The following FHIT variants were observed in gnomAD, a reference collection of about 807,000 sequenced individuals.
FHIT encodes bis(5'-adenosyl)-triphosphatase.
FHIT carries 19 observed loss-of-function variants against 17.9 expected under a neutral mutation model. The observed-to-expected ratio is 1.06, with a 90% confidence interval of 0.74 to 1.56. FHIT has a LOEUF of 1.56. FHIT is among the 40% of genes most tolerant of loss of function. The pLI, the probability that FHIT is intolerant of heterozygous loss-of-function variation, is 0.00. For synonymous variants in FHIT, 81 were observed against 69.7 expected (o/e 1.16, Z -0.81); for missense variants, 248 against 189.2 (o/e 1.31, Z -1.82).
At chr3:61,205,231 T>C (rs1692733147) in intron 1 of FHIT, among the ~76,000 whole-genome samples, 1 of 152,096 alleles carries the variant, frequency 6.6e-6, no homozygotes, top group Middle Eastern at 3.2e-3. Context: ...TTGTTGGACA[T>C]TTGGGTCGGT....
chr3:60,459,957 C>T (rs1179755901), intron 5 of FHIT, among the ~76,000 whole-genome samples: 3 of 152,246 alleles, frequency 2.0e-5, no homozygotes, highest in Admixed American at 6.5e-5. Context: ...TGTATATGCC[C>T]ACCAGACAAG....
At chr3:60,055,626 GGCAACCA>G (rs1702051762) in intron 5 of FHIT, among the ~76,000 whole-genome samples, 1 of 152,058 alleles carries the variant, frequency 6.6e-6, no homozygotes, top group Non-Finnish European at 1.5e-5. Context: ...CTGGCCACGT[GGCAACCA>G]GTGTACAAGG....
intron 3 of FHIT, among the ~76,000 whole-genome samples, chr3:60,990,716 T>A (rs1460480262): frequency 6.6e-6 from 1 of 152,244 alleles, no homozygotes; most frequent in African/African-American, 2.4e-5. Context: ...ATTGCGAGCA[T>A]CTTCCACACA....
chr3:59,849,899 G>A (rs989136216), intron 8 of FHIT, among the ~76,000 whole-genome samples: 5 of 152,162 alleles, frequency 3.3e-5, no homozygotes, highest in African/African-American at 1.2e-4. Flanking sequence ...ATGTTCAGCT[G>A]CAGAAGCTAT....
intron 3 of FHIT, among the ~76,000 whole-genome samples, chr3:60,968,122 G>C (rs540118716): frequency 1.3e-5 from 2 of 152,348 alleles, no homozygotes; most frequent in South Asian, 4.1e-4. Flanking sequence ...GGCAGCCCGA[G>C]TTGAGAGCAG....
intron 3 of FHIT, among the ~76,000 whole-genome samples, chr3:60,860,263 G>GTATACATGAGATACATCATATC (rs1703623253): frequency 2.1e-5 from 3 of 144,044 alleles, no homozygotes; most frequent in African/African-American, 7.7e-5. Context: ...TACATCATAT[G>GTATACATGAGATACATCATATC]TATACATGAG....
intron 8 of FHIT, among the ~76,000 whole-genome samples, chr3:59,753,160 G>A (rs1357271806): frequency 6.6e-6 from 1 of 152,104 alleles, no homozygotes; most frequent in Non-Finnish European, 1.5e-5. Flanking sequence ...TGAGCTCTGA[G>A]CAGTTTTGTT....
intron 5 of FHIT, among the ~76,000 whole-genome samples, chr3:60,122,365 T>G (rs896609678): frequency 3.3e-5 from 5 of 152,134 alleles, no homozygotes; most frequent in Admixed American, 6.5e-5. Flanking sequence ...ATCCCGGCCC[T>G]CAGGGAACAT....
chr3:61,029,134 G>T (rs566774398), intron 3 of FHIT, among the ~76,000 whole-genome samples: 169 of 152,152 alleles, frequency 1.1e-3, no homozygotes, highest in African/African-American at 3.9e-3. Flanking sequence ...ACTGTAAATT[G>T]TGTCTCTGAT....
chr3:60,068,563 C>A (rs1214027483), intron 5 of FHIT, among the ~76,000 whole-genome samples: 1 of 152,166 alleles, frequency 6.6e-6, no homozygotes, highest in Non-Finnish European at 1.5e-5. Flanking sequence ...AGAAACCCCA[C>A]CCAAGGGGTA....
intron 1 of FHIT, among the ~76,000 whole-genome samples, chr3:61,202,387 A>G (rs982924418): frequency 7.2e-5 from 11 of 151,948 alleles, no homozygotes; most frequent in Admixed American, 2.0e-4. Flanking sequence ...CCATCTGGGA[A>G]GTGAGGAGCG....
intron 5 of FHIT, among the ~76,000 whole-genome samples, chr3:60,121,709 A>AACAAAACAAAAAAACACACACAC (rs1705261038): frequency 1.7e-5 from 2 of 116,336 alleles, no homozygotes; most frequent in African/African-American, 6.7e-5. Context: ...AAACAAAACA[A>AACAAAACAAAAAAACACACACAC]ACACACACAC....
chr3:60,588,632 C>A (rs2037983302), intron 4 of FHIT, among the ~76,000 whole-genome samples: 1 of 152,004 alleles, frequency 6.6e-6, no homozygotes, highest in Non-Finnish European at 1.5e-5. Flanking sequence ...ACACACTCCT[C>A]TCGTGACTAT....
intron 9 of FHIT, chr3:59,750,806 A>G (rs1700855198): frequency 9.6e-6 from 2 of 207,870 alleles, no homozygotes. Flanking sequence ...AGACTTACTT[A>G]CATTTCAAGG....
chr3:60,912,740 C>T (rs782008256), intron 3 of FHIT: 1 of 516,190 alleles, frequency 1.9e-6, no homozygotes, highest in South Asian at 1.4e-5. Context: ...TTAGTTCCCC[C>T]ATATATTTAC....
In FHIT at chr3:59,752,243, G is replaced by A. The variant is rs202025546; in HGVS notation, c.427C>T (p.Arg143Trp). 1.7e-4 allele frequency: 272 copies of A among 1,612,598 alleles called. No individual in the cohort carries two copies. In the East Asian group the frequency reaches 2.7e-3, roughly 16 times the overall value. Residue 143 changes from arginine (R) to tryptophan (W), a missense_variant, in exon 9 of 10, where the codon CGG becomes TGG. By Grantham distance (101) the Arg-to-Trp change is moderately radical. Transcript: ENST00000492590. ...EEMAAEAAALRVYFQ is the reference protein window; with the variant it reads ...EEMAAEAAALWVYFQ ...TACCTGTGTCACTGAAAGTAGACCCGCAGAGCTGCGGCTTCTGCTGCCATT... is the reference window on the plus strand; with the variant it reads ...TACCTGTGTCACTGAAAGTAGACCCACAGAGCTGCGGCTTCTGCTGCCATT...
chr3:60,719,004 A>G (rs1171650453), intron 4 of FHIT, among the ~76,000 whole-genome samples: 4 of 152,228 alleles, frequency 2.6e-5, no homozygotes, highest in East Asian at 3.9e-4. Flanking sequence ...GCAAATGCTC[A>G]GGCATATACC....
chr3:60,647,922 C>G (rs1163686259), intron 4 of FHIT, among the ~76,000 whole-genome samples: 7 of 152,026 alleles, frequency 4.6e-5, no homozygotes, highest in Non-Finnish European at 4.4e-5. Flanking sequence ...ATAATCAATG[C>G]AATAATAGTG....
chr3:60,400,214 G>C (rs1031753810), intron 5 of FHIT, among the ~76,000 whole-genome samples: 8 of 152,140 alleles, frequency 5.3e-5, no homozygotes, highest in African/African-American at 1.7e-4. Context: ...TTCAGGAGTT[G>C]TCCCTAGATA....
Sources: allele counts gnomAD v4.1 joint callset (sites outside exome capture counted in the v4.1 genomes callset), GRCh38; gene constraint gnomAD v4.1.1; transcripts MANE v1.5; gene names NCBI Gene and HGNC (gene_info 2026-07-23, HGNC 2026-07-21).